DLC1: variants seen among roughly 807,000 people sequenced by gnomAD.
DLC1 encodes DLC1 Rho GTPase activating protein.
A neutral mutation model predicts 140.3 loss-of-function variants in DLC1; 54 were observed. The ratio of observed to expected loss-of-function variants is 0.38; its 90% CI spans 0.31 to 0.48. DLC1 has a LOEUF of 0.48. Ranked by LOEUF, DLC1 falls within the 20% of genes least tolerant of loss-of-function variation. The pLI is 0.96. For missense variants in DLC1, 2,536 were observed against 1,907.0 expected (o/e 1.33, Z -6.14); for synonymous variants, 986 against 728.1 (o/e 1.35, Z -5.70).
intron 5 of DLC1, among the ~76,000 whole-genome samples, chr8:13,211,209 G>A (rs1784742232): frequency 6.6e-6 from 1 of 152,158 alleles, no homozygotes. Flanking sequence ...CATTTCCCAG[G>A]AAGTTTGTGA....
At chr8:13,595,409 G>C (rs76774382) in intron 1 of DLC1, among the ~76,000 whole-genome samples, 9 of 151,902 alleles carry the variant, frequency 5.9e-5, no homozygotes, top group African/African-American at 2.2e-4. Flanking sequence ...AACAGAAATT[G>C]TATATCTTTT....
chr8:13,126,032 T>G (rs971121045), intron 5 of DLC1, among the ~76,000 whole-genome samples: 1 of 151,980 alleles, frequency 6.6e-6, no homozygotes, highest in Admixed American at 6.6e-5. Flanking sequence ...AAGTACTCCT[T>G]TTAACACATA....
chr8:13,214,911 T>C, intron 5 of DLC1: 1 of 650,682 alleles, frequency 1.5e-6, no homozygotes, highest in South Asian at 1.8e-5. Flanking sequence ...GGGAATAAGA[T>C]ATTGTCAAAC....
At chr8:13,462,396 C>CTTTTT (rs869264457) in intron 2 of DLC1, among the ~76,000 whole-genome samples, 2 of 131,124 alleles carry the variant, frequency 1.5e-5, no homozygotes, top group African/African-American at 2.8e-5. Context: ...CATTACTATT[C>CTTTTT]TTTTTTTTTT....
At chr8:13,292,870 A>G (rs1325523839) in intron 5 of DLC1, among the ~76,000 whole-genome samples, 1 of 152,166 alleles carries the variant, frequency 6.6e-6, no homozygotes, top group African/African-American at 2.4e-5. Flanking sequence ...GTCTATTGAA[A>G]ATATCAAATA....
At position 13,445,229 on chromosome 8, in the gene DLC1, A is replaced by G. The variant is rs573702208; in HGVS notation, c.1024-43610T>C. 1.3e-4 allele frequency among the ~76,000 whole-genome samples: 20 copies of G among 152,334 alleles called. No homozygotes were observed. The East Asian group carries it at 3.9e-3, about 29-fold the overall frequency. On this transcript the variant is annotated intron_variant, in intron 2 of 17. Coordinates refer to ENST00000276297, the MANE Select transcript of DLC1 (RefSeq NM_182643.3). ...GCTCTTGGTGTCTCAATTTCTGTTC[A>G]AAAGTCAGTGGGCAGTTGGCCACAG...
intron 5 of DLC1, among the ~76,000 whole-genome samples, chr8:13,257,089 C>G (rs1268232501): frequency 6.6e-6 from 1 of 151,940 alleles, no homozygotes; most frequent in Non-Finnish European, 1.5e-5. Context: ...CAAGTTCCAC[C>G]CTAAACTTCT....
intron 5 of DLC1, among the ~76,000 whole-genome samples, chr8:13,140,220 A>G (rs1315755365): frequency 6.6e-6 from 1 of 152,122 alleles, no homozygotes; most frequent in Non-Finnish European, 1.5e-5. Flanking sequence ...ACAAGTTTAT[A>G]TCTATATCTA....
intron 1 of DLC1, among the ~76,000 whole-genome samples, chr8:13,555,932 T>G (rs886955892): frequency 2.0e-5 from 3 of 152,184 alleles, no homozygotes; most frequent in African/African-American, 7.2e-5. Context: ...AAAGGTTTTG[T>G]AATACTAACA....
chr8:13,457,898 C>T (rs1799486188), intron 2 of DLC1, among the ~76,000 whole-genome samples: 2 of 151,840 alleles, frequency 1.3e-5, no homozygotes, highest in Non-Finnish European at 2.9e-5. Context: ...GTGGGAATAG[C>T]TGAAAAGAGA....
At chr8:13,577,224 T>G (rs905016948) in intron 1 of DLC1, among the ~76,000 whole-genome samples, 9 of 152,170 alleles carry the variant, frequency 5.9e-5, no homozygotes, top group African/African-American at 2.2e-4. Context: ...GTGCTTTAAT[T>G]TATATCAATT....
chr8:13,162,574 C>G (rs1315567588), intron 5 of DLC1, among the ~76,000 whole-genome samples: 1 of 152,214 alleles, frequency 6.6e-6, no homozygotes, highest in Non-Finnish European at 1.5e-5. Flanking sequence ...CTCCCCGCCT[C>G]AGCCTCCCAA....
rs139793437 is a variant in DLC1 at position 13,262,201 on chromosome 8, T to A, written c.1348+43068A>T. Among the ~76,000 whole-genome samples the A allele has an allele frequency of 4.7e-4, 71 of 152,196 alleles. No individual in the cohort carries two copies. The East Asian group carries it at 0.013, about 28-fold the overall frequency. ...TGAATATGTAAATGAAGGACACAAA[T>A]GGGGTAATTATTAGAGAGAAGTTCT... On this transcript the variant is annotated intron_variant, in intron 5 of 17. Coordinates refer to ENST00000276297, the MANE Select transcript of DLC1 (RefSeq NM_182643.3).
chr8:13,471,211 T>C (rs566762987), intron 2 of DLC1, among the ~76,000 whole-genome samples: 83 of 151,872 alleles, frequency 5.5e-4, no homozygotes, highest in African/African-American at 1.9e-3. Flanking sequence ...GGATGGATAC[T>C]ATTCTGGAGA....
At chr8:13,305,125 A>G in intron 5 of DLC1, 144 bp downstream of exon 5, 2 of 1,344,024 alleles carry the variant, frequency 1.5e-6, no homozygotes. Context: ...GAGCAAAACA[A>G]ATTTCTTTTA....
chr8:13,134,277 T>C (rs1822386583), intron 5 of DLC1, among the ~76,000 whole-genome samples: 1 of 152,236 alleles, frequency 6.6e-6, no homozygotes, highest in African/African-American at 2.4e-5. Context: ...GCCTGCTATC[T>C]CTGGGCAAGG....
intron 2 of DLC1, among the ~76,000 whole-genome samples, chr8:13,455,346 C>G (rs1453528154): frequency 6.6e-6 from 1 of 152,142 alleles, no homozygotes; most frequent in Non-Finnish European, 1.5e-5. Flanking sequence ...CACTTCCTCT[C>G]CTCAAAGCAC....
chr8:13,425,188 G>A (rs1181571164), intron 2 of DLC1, among the ~76,000 whole-genome samples: 3 of 151,968 alleles, frequency 2.0e-5, no homozygotes, highest in Admixed American at 2.0e-4. Flanking sequence ...CGAGTCAAGC[G>A]GCTGTTTCCC....
intron 4 of DLC1, among the ~76,000 whole-genome samples, chr8:13,335,213 A>T (rs912586090): frequency 6.6e-6 from 1 of 152,254 alleles, no homozygotes; most frequent in Admixed American, 6.5e-5. Context: ...GCCACAATTT[A>T]GAAGCCTCTT....
Sources: gnomAD v4.1 joint callset for allele counts (sites outside exome capture counted in the v4.1 genomes callset) on GRCh38, gnomAD v4.1.1 for gene constraint, MANE v1.5 for transcripts, NCBI Gene and HGNC (gene_info 2026-07-23, HGNC 2026-07-21) for gene names.